CAMSAP3: variants seen among roughly 807,000 people sequenced by gnomAD.
The protein encoded by CAMSAP3 is calmodulin-regulated spectrin-associated protein 3.
CAMSAP3 carries 34 observed loss-of-function variants against 112.5 expected under a neutral mutation model. The observed-to-expected ratio is 0.30, with a 90% CI of 0.23 to 0.40. CAMSAP3 has a LOEUF of 0.40. Ranked by LOEUF, CAMSAP3 falls within the 10% of genes least tolerant of loss-of-function variation. CAMSAP3 has a pLI of 1.00. For missense variants in CAMSAP3, 1,602 were observed against 1,770.3 expected (o/e 0.90, Z 1.71); for synonymous variants, 868 against 799.8 (o/e 1.09, Z -1.44).
Position 7,609,322 on chromosome 19 carries a change from A to AT in CAMSAP3, c.760+1058_760+1059insT, listed in dbSNP as rs992753284. Among the ~76,000 whole-genome samples, 76 of 151,448 alleles carry AT rather than the reference A, an allele frequency of 5.0e-4. No homozygotes were observed. The East Asian group carries it at 8.2e-3, about 16-fold the overall frequency. On this transcript the variant is annotated intron_variant, in intron 5 of 16. Transcript: ENST00000160298. ...AACAGAGCGAGACTCCATCTCAAAAAAAAAAAAAAAAAAGTATAAAATAGA... is the reference window on the plus strand; with the variant it reads ...AACAGAGCGAGACTCCATCTCAAAAATAAAAAAAAAAAAAGTATAAAATAGA...
At chr19:7,616,197 CA>C (rs74266728) in intron 13 of CAMSAP3, among the ~76,000 whole-genome samples, 2,525 of 94,436 alleles carry the variant, frequency 0.027, 47 homozygotes, top group African/African-American at 0.064. Flanking sequence ...AGAAATAAGA[CA>C]AAAAAAAAAA....
Position 7,611,297 on chromosome 19 carries a change from A to C in CAMSAP3, c.1123+129A>C. On this transcript the variant is annotated intron_variant, in intron 9 of 16. Coordinates refer to ENST00000160298, the MANE Select transcript of CAMSAP3 (RefSeq NM_020902.2). This position sits in a 1 kb window ranked among gnomAD's most constrained non-coding sequence, Gnocchi z 6.9. ...CATCAGATCCCCCTTGGGCATCCCA[A>C]AGTGACCCCCAGAATGGCCTCCCCA... 1 of 987,402 alleles carries C rather than the reference A, an allele frequency of 1.0e-6. No individual in the cohort carries two copies. The highest frequency in any genetic ancestry group is 1.6e-5 in the African/African-American group (1 of 62,130). 61.2% of individuals were successfully genotyped at this position (987,402 alleles called of 1,614,324 possible).
chr19:7,616,956 T>TG (rs2030840521), intron 14 of CAMSAP3, among the ~76,000 whole-genome samples: 1 of 142,972 alleles, frequency 7.0e-6, no homozygotes, highest in Admixed American at 6.9e-5. Flanking sequence ...TTTTTTTTTT[T>TG]TTGTTTTTTT....
In CAMSAP3 at chr19:7,612,001, A is replaced by T. The variant is rs2030518295; in HGVS notation, c.1508A>T (p.Glu503Val). The change falls in exon 11 of 17, where the codon GAG becomes GTG. Residue 503 changes from glutamate (E) to valine (V), a missense_variant. Glu to Val is a moderately radical substitution (Grantham distance 121). Around this residue, in one of 6 missense-constraint regions of CAMSAP3, gnomAD observed 1,100 missense variants for 1,135.7 expected, o/e 0.97. Transcript: ENST00000160298. ...TCCCTGGCCTCCCCCTACCTGCCCG[A>T]GGGGACCTCCAAACCACTGTCCGAC... ...KPSLASPYLP[E>V]GTSKPLSDRP... is the part of the protein sequence containing the mutation. 6.2e-7 allele frequency: 1 copy of T among 1,612,596 alleles called. No individual in the cohort carries two copies. Among genetic ancestry groups the T allele is most frequent in the African/African-American group, 1.3e-5 (1 of 74,924 alleles).
At chr19:7,601,764 T>TAAAATAAAATAAAATAAAATAAAAAAATA (rs2029979714) in intron 1 of CAMSAP3, among the ~76,000 whole-genome samples, 6 of 132,638 alleles carry the variant, frequency 4.5e-5, no homozygotes, top group African/African-American at 1.2e-4. Context: ...AATGAATAAA[T>TAAAATAAAATAAAATAAAATAAAAAAATA]AAAATAAAAA....
In CAMSAP3 at chr19:7,605,212, C is replaced by T; in HGVS notation, c.149-14C>T. On this transcript the variant is annotated splice_polypyrimidine_tract_variant and intron_variant, in intron 1 of 16. Coordinates refer to ENST00000160298, the MANE Select transcript of CAMSAP3 (RefSeq NM_020902.2). ...TGACCCTGACCCCCGTGTTTCCCCT[C>T]TATGCCCCCACAGAGCACGTGCCCC... The T allele has an allele frequency of 6.6e-7, 1 of 1,513,464 alleles. No individual in the cohort carries two copies. The highest frequency in any genetic ancestry group is 8.9e-7 in the Non-Finnish European group (1 of 1,124,406). The allele number at this position is 1,513,464 out of a possible 1,614,324, so 93.8% of individuals were successfully genotyped here. A position where few individuals can be genotyped will look rare whatever the true frequency, so the allele number is the denominator to read the frequency against.
At chr19:7,601,527 C>A (rs55757204) in intron 1 of CAMSAP3, among the ~76,000 whole-genome samples, 26,183 of 151,800 alleles carry the variant, frequency 0.17, 2,438 homozygotes, top group Admixed American at 0.25. Flanking sequence ...CCATGTTGGC[C>A]AGTCTGGGCA....
intron 1 of CAMSAP3, among the ~76,000 whole-genome samples, chr19:7,596,974 G>T (rs1362806256): frequency 6.6e-6 from 1 of 152,160 alleles, no homozygotes; most frequent in Non-Finnish European, 1.5e-5. Context: ...GGGTCCCCGG[G>T]ATTAGAGGCC....
At position 7,596,053 on chromosome 19, in the gene CAMSAP3, A is replaced by G. The variant is rs1340845002; in HGVS notation, c.51A>G (p.Leu17=). Residue 17 remains leucine (L), a synonymous_variant, in exon 1 of 17, where the codon CTA becomes CTG. Coordinates refer to ENST00000160298, the MANE Select transcript of CAMSAP3 (RefSeq NM_020902.2). ...PGPGPLRRTF[L]VPEIKSLDQY... ...CCGGGCCGCTGCGGAGGACCTTTCT[A>G]GTGCCCGAGATCAAGTCGCTGGACC... The G allele has an allele frequency of 7.9e-7, 1 of 1,264,966 alleles. No individual in the cohort carries two copies. The allele number at this position is 1,264,966 out of a possible 1,614,324, so 78.4% of individuals were successfully genotyped here.
At position 7,609,233 on chromosome 19, in the gene CAMSAP3, G is replaced by A. The variant is rs985079759; in HGVS notation, c.760+969G>A. Among the ~76,000 whole-genome samples the A allele has an allele frequency of 2.7e-5, 4 of 150,320 alleles. No individual in the cohort carries two copies. The South Asian group carries it at 6.3e-4, about 24-fold the overall frequency. ...CACAGGAGGCTGAGGCAGGAGAATC[G>A]CTTGAACCCAGGAAGTGGAGGTTGC... On this transcript the variant is annotated intron_variant, in intron 5 of 16. Coordinates refer to ENST00000160298, the MANE Select transcript of CAMSAP3 (RefSeq NM_020902.2).
At chr19:7,616,462 A>G in intron 13 of CAMSAP3, 61 bp from the exon 14 acceptor site, 1 of 1,173,222 alleles carries the variant, frequency 8.5e-7, no homozygotes, top group Admixed American at 1.7e-5. Flanking sequence ...AGCCTGCTGG[A>G]CCGGGTGTTG....
rs2030498649 is a variant in CAMSAP3, at chr19:7,611,742, G to A, written c.1249G>A (p.Val417Met). ...CACCCCCTTTGGCCTGGACAGCGAC[G>A]TGGATGTCGTCATGGGAGACCCTGT... ...FSTPFGLDSD[V>M]DVVMGDPVLL... The change falls in exon 11 of 17, where the codon GTG (valine) becomes ATG (methionine). Residue 417 changes from valine to methionine, a missense_variant. By Grantham distance (21) the Val-to-Met change is conservative (BLOSUM62 1). Coordinates refer to ENST00000160298, the MANE Select transcript of CAMSAP3 (RefSeq NM_020902.2). The surrounding 1 kb of genome is among the most constrained non-coding windows in gnomAD (Gnocchi z 6.9). The A allele has an allele frequency of 1.9e-6, 3 of 1,572,162 alleles. No individual in the cohort carries two copies. Among genetic ancestry groups the A allele is most frequent in the Non-Finnish European group, 2.6e-6 (3 of 1,157,204 alleles).
At chr19:7,601,965 G>A (rs2029988994) in intron 1 of CAMSAP3, among the ~76,000 whole-genome samples, 1 of 151,944 alleles carries the variant, frequency 6.6e-6, no homozygotes, top group Non-Finnish European at 1.5e-5. Context: ...TTGGGAGGCT[G>A]AAGCAGGAGA....
intron 1 of CAMSAP3, among the ~76,000 whole-genome samples, chr19:7,599,408 TCATC>T (rs1400455143): frequency 1.2e-5 from 1 of 85,536 alleles, no homozygotes; most frequent in Admixed American, 1.2e-4. Flanking sequence ...ACCCATTCAT[TCATC>T]CATCCATCCA....
chr19:7,617,357 A>C lies in CAMSAP3; in HGVS notation c.3244A>C (p.Ser1082Arg). The C allele has an allele frequency of 6.2e-7, 1 of 1,613,990 alleles. No individual in the cohort carries two copies. The highest frequency in any genetic ancestry group is 8.5e-7 in the Non-Finnish European group (1 of 1,179,956). The change falls in exon 15 of 17, where the codon AGC becomes CGC. Residue 1082 changes from serine (S) to arginine (R), a missense_variant. Ser to Arg is a moderately radical substitution (Grantham distance 110, BLOSUM62 -1). Around this residue, in one of 6 missense-constraint regions of CAMSAP3, gnomAD observed 1,100 missense variants for 1,135.7 expected, o/e 0.97. Coordinates refer to ENST00000160298, the MANE Select transcript of CAMSAP3 (RefSeq NM_020902.2). The surrounding 1 kb of genome is among the most constrained non-coding windows in gnomAD (Gnocchi z 7.5). ...CTCCCCGTCAGGTCTCATGTCCCCA[A>C]GCCGCCTGCCTGGAAGCCGCGAACG... ...APSPSGLMSP[S>R]RLPGSRERDW... is the part of the protein sequence containing the mutation.
Position 7,612,120 on chromosome 19 carries a change from C to G in CAMSAP3, c.1627C>G (p.Pro543Ala). 1.2e-6 allele frequency: 2 copies of G among 1,612,450 alleles called. No homozygotes were observed. Among genetic ancestry groups the G allele is most frequent in the African/African-American group, 2.7e-5 (2 of 75,072 alleles). ...GGGGGAGGCATCGAAACCGCCAGCCCCATCCGAGGGGTCCCCGAAGGCGGT... is the reference window on the plus strand; with the variant it reads ...GGGGGAGGCATCGAAACCGCCAGCCGCATCCGAGGGGTCCCCGAAGGCGGT... ...LVGEASKPPA[P>A]SEGSPKAVAS... Residue 543 changes from proline to alanine, a missense_variant, in exon 11 of 17, where the codon CCA becomes GCA. Transcript: ENST00000160298.
chr19:7,602,831 C>T (rs557571224), intron 1 of CAMSAP3, among the ~76,000 whole-genome samples: 290 of 148,360 alleles, frequency 2.0e-3, no homozygotes, highest in Middle Eastern at 7.1e-3. Context: ...AGAGCCCAGG[C>T]GAGATACGGG....
chr19:7,603,732 C>T (rs2030072614), intron 1 of CAMSAP3, among the ~76,000 whole-genome samples: 1 of 152,178 alleles, frequency 6.6e-6, no homozygotes, highest in Non-Finnish European at 1.5e-5. Flanking sequence ...TGCCTGCGGT[C>T]CCAGCTACTC....
intron 1 of CAMSAP3, among the ~76,000 whole-genome samples, 169 bp from the exon 2 acceptor site, chr19:7,605,057 C>T (rs2030133794): frequency 6.6e-6 from 1 of 152,030 alleles, no homozygotes; most frequent in Non-Finnish European, 1.5e-5. Flanking sequence ...CAGCAAACTC[C>T]TGCACATCTG....
Sources: gnomAD v4.1 joint callset for allele counts (sites outside exome capture counted in the v4.1 genomes callset) on GRCh38, gnomAD v4.1.1 for gene constraint, gnomAD v4.1.1 regional missense constraint, Gnocchi (gnomAD v3.1) non-coding constraint, MANE v1.5 for transcripts, NCBI Gene and HGNC (gene_info 2026-07-23, HGNC 2026-07-21) for gene names.